Variants in NECAP2 observed in about 807,000 individuals in gnomAD.
The protein encoded by NECAP2 is adaptin ear-binding coat-associated protein 2.
In NECAP2, 38 loss-of-function variants were observed where a neutral mutation model predicts 37.8. The ratio of observed to expected loss-of-function variants is 1.01; its 90% CI spans 0.78 to 1.32. The LOEUF (loss-of-function observed/expected upper bound fraction) is 1.32, where lower values mean the gene tolerates loss of function less well. Among genes scored for constraint, NECAP2 ranks in the 40% most tolerant of loss-of-function variants. The pLI, the probability that NECAP2 is intolerant of heterozygous loss-of-function variation, is 0.00. For synonymous variants in NECAP2, 121 were observed against 127.7 expected, an observed-to-expected ratio of 0.95 and a Z score of 0.35; for missense variants, 316 against 334.5, an observed-to-expected ratio of 0.94 and a Z score of 0.43.
rs2086683282 is a variant in NECAP2, at chr1:16,441,025, C to G, written c.92+172C>G. On this transcript the variant is annotated intron_variant, in intron 1 of 7. Transcript: ENST00000337132. ...GAGCAGGGAGGTGGATCCAGAGTTT[C>G]GCCCGTCTCAGTTCGACGCACGGGA... 5.1e-6 allele frequency: 3 copies of G among 593,978 alleles called. No homozygotes were observed. In the Admixed American group the frequency reaches 8.1e-5, roughly 16 times the overall value. The allele number at this position is 593,978 out of a possible 1,614,324, so 36.8% of individuals were successfully genotyped here. A position where few individuals can be genotyped will look rare whatever the true frequency, so the allele number is the denominator to read the frequency against.
chr1:16,451,059 C>A (rs985990012), intron 5 of NECAP2: 2 of 152,264 alleles, frequency 1.3e-5, no homozygotes, highest in Admixed American at 6.5e-5. Flanking sequence ...CTCCCAGTAA[C>A]TGCCCTGAGT....
At chr1:16,452,274 C>T (rs2086856458) in intron 6 of NECAP2, among the ~76,000 whole-genome samples, 1 of 152,146 alleles carries the variant, frequency 6.6e-6, no homozygotes, top group Non-Finnish European at 1.5e-5. Context: ...ATCAACATGT[C>T]GGTTCCTGGT....
intron 4 of NECAP2, among the ~76,000 whole-genome samples, chr1:16,448,819 A>T (rs1357153680): frequency 1.3e-5 from 2 of 152,164 alleles, no homozygotes; most frequent in African/African-American, 4.8e-5. Context: ...AGGACCCTCT[A>T]CGTAAGTGAT....
chr1:16,452,842 C>T (rs1278407957), intron 6 of NECAP2, among the ~76,000 whole-genome samples: 1 of 151,796 alleles, frequency 6.6e-6, no homozygotes, highest in Admixed American at 6.6e-5. Context: ...TTGTCACCAG[C>T]GTGCCTTCTG....
At chr1:16,441,121 T>C in intron 1 of NECAP2, 1 of 493,518 alleles carries the variant, frequency 2.0e-6, no homozygotes, top group Non-Finnish European at 3.7e-6. Context: ...CCGGGTACCC[T>C]AAACTTGGTC....
chr1:16,458,598 A>C (rs1293585306), intron 7 of NECAP2, among the ~76,000 whole-genome samples: 1 of 140,078 alleles, frequency 7.1e-6, no homozygotes, highest in Non-Finnish European at 1.6e-5. Context: ...CAAAAAAAAA[A>C]CAAAACAAAA....
intron 5 of NECAP2, chr1:16,451,577 GTATATCAT>G: frequency 1.9e-6 from 1 of 519,952 alleles, no homozygotes. Flanking sequence ...GCGTGTAATG[GTATATCAT>G]TATAGCTTTG....
chr1:16,450,102 GTGA>G, intron 5 of NECAP2: 1 of 436,396 alleles, frequency 2.3e-6, no homozygotes, highest in Non-Finnish European at 4.6e-6. Context: ...CTTCGTGCTG[GTGA>G]TGATTTGGGA....
chr1:16,458,830 T>A lies in NECAP2; in HGVS notation c.744-12T>A. Reference sequence around the variant, plus strand: ...CTGAACTCCCCCACCCTTCCCTGTCTTCTCTTTACAGATCAACTTCCAGCC... The same window carrying A: ...CTGAACTCCCCCACCCTTCCCTGTCATCTCTTTACAGATCAACTTCCAGCC... On this transcript the variant is annotated splice_polypyrimidine_tract_variant and intron_variant, in intron 7 of 7. Coordinates refer to ENST00000337132, the MANE Select transcript of NECAP2 (RefSeq NM_018090.5). 6.2e-7 allele frequency: 1 copy of A among 1,613,256 alleles called. No individual in the cohort carries two copies. The highest frequency in any genetic ancestry group is 8.5e-7 in the Non-Finnish European group (1 of 1,179,738).
intron 6 of NECAP2, among the ~76,000 whole-genome samples, chr1:16,455,072 ACT>A (rs897627401): frequency 2.6e-5 from 4 of 152,128 alleles, no homozygotes; most frequent in African/African-American, 9.7e-5. Flanking sequence ...GAACTGTAAA[ACT>A]CTAAACCATT....
At chr1:16,455,241 A>G (rs1288278258) in intron 6 of NECAP2, among the ~76,000 whole-genome samples, 2 of 152,234 alleles carry the variant, frequency 1.3e-5, no homozygotes, top group South Asian at 2.1e-4. Context: ...TTGCAGCCCC[A>G]TGGCGTCGCC....
In NECAP2 at chr1:16,447,985, G is replaced by A; in HGVS notation, c.298+11G>A. On this transcript the variant is annotated intron_variant, in intron 3 of 7. Transcript: ENST00000337132. ...TCGAAGATGGAAATGGTAGGCATGG[G>A]TCCTGGTGCTTCCTCCTCTTGGGAA... is the stretch of plus-strand genomic sequence containing the variant. 2.5e-6 allele frequency: 4 copies of A among 1,613,880 alleles called. No individual in the cohort carries two copies. Among genetic ancestry groups the A allele is most frequent in the Non-Finnish European group, 3.4e-6 (4 of 1,179,734 alleles).
intron 5 of NECAP2, chr1:16,450,300 T>C: frequency 5.4e-6 from 2 of 371,740 alleles, no homozygotes; most frequent in Non-Finnish European, 1.1e-5. Context: ...TTTTTTTTTT[T>C]AGGCATTTCT....
chr1:16,456,128 A>T lies in NECAP2; in HGVS notation c.743+235A>T, dbSNP rs76399710. Among the ~76,000 whole-genome samples, 297 of 149,980 alleles carry T rather than the reference A, an allele frequency of 2.0e-3. 5 individuals carry two copies. The East Asian group carries it at 0.05, about 25-fold the overall frequency. ...AACCTCTGCCTCCCAGGTTCAAGCT[A>T]TTCTCCTGCCTCAGCCTCCTGAGTA... On this transcript the variant is annotated intron_variant, in intron 7 of 7. Transcript: ENST00000337132.
chr1:16,451,159 T>A (rs1205063369), intron 5 of NECAP2: 1 of 152,238 alleles, frequency 6.6e-6, no homozygotes, highest in African/African-American at 2.4e-5. Context: ...TTGGAATGAT[T>A]TCTTTCTTTT....
chr1:16,451,196 T>A (rs1368062300), intron 5 of NECAP2: 2 of 152,266 alleles, frequency 1.3e-5, no homozygotes, highest in Admixed American at 1.3e-4. Context: ...GTGAGAGTCA[T>A]CCATGGTGTT....
intron 5 of NECAP2, chr1:16,450,581 A>T: frequency 6.5e-6 from 1 of 154,534 alleles, no homozygotes; most frequent in South Asian, 2.0e-4. Flanking sequence ...TTTTTAAAGC[A>T]TTTTCTTGAA....
chr1:16,445,406 A>AC (rs1166725773), intron 2 of NECAP2, among the ~76,000 whole-genome samples: 3 of 152,054 alleles, frequency 2.0e-5, no homozygotes, highest in Non-Finnish European at 4.4e-5. Context: ...TGCCAGTAGC[A>AC]CCCCCCAAGT....
chr1:16,440,759 G>C lies in NECAP2; in HGVS notation c.-3G>C, dbSNP rs1166656132. 4 of 1,612,970 alleles carry C rather than the reference G, an allele frequency of 2.5e-6. No individual in the cohort carries two copies. The African/African-American group carries it at 4.0e-5, about 16-fold the overall frequency. ...GGAAGTTCGGTGGGCTCCAGGCGTC[G>C]CGATGGAGGAGAGCGGGTACGAGTC... On this transcript the variant is annotated 5_prime_UTR_variant, in exon 1 of 8. Coordinates refer to ENST00000337132, the MANE Select transcript of NECAP2 (RefSeq NM_018090.5).
Sources: gnomAD v4.1 joint callset for allele counts (sites outside exome capture counted in the v4.1 genomes callset) on GRCh38, gnomAD v4.1.1 for gene constraint, MANE v1.5 for transcripts, NCBI Gene and HGNC (gene_info 2026-07-23, HGNC 2026-07-21) for gene names.